EYS: variants seen among roughly 807,000 people sequenced by gnomAD.
EYS encodes the protein protein eyes shut homolog.
A neutral mutation model predicts 282.1 loss-of-function variants in EYS; 250 were observed. That is an observed-to-expected ratio of 0.89 (90% CI 0.80 to 0.98). The LOEUF (loss-of-function observed/expected upper bound fraction) is 0.98, where lower values mean the gene tolerates loss of function less well. EYS is among the 50% of genes least tolerant of loss of function. The pLI is 0.00. For synonymous variants in EYS, 1,355 were observed against 1,282.9 expected (o/e 1.06, Z -1.20); for missense variants, 4,016 against 3,709.0 (o/e 1.08, Z -2.15).
intron 2 of EYS, among the ~76,000 whole-genome samples, chr6:65,639,204 C>G (rs1467626049): frequency 6.6e-6 from 1 of 151,854 alleles, no homozygotes; most frequent in East Asian, 1.9e-4. Context: ...AAGATAATAT[C>G]AATATGAGAA....
chr6:64,575,082 A>C (rs1361527275), intron 26 of EYS, among the ~76,000 whole-genome samples: 2 of 152,162 alleles, frequency 1.3e-5, no homozygotes. Flanking sequence ...GGGAAACTTC[A>C]CCCAGAATAA....
At chr6:64,707,750 C>A (rs1429355523) in intron 22 of EYS, among the ~76,000 whole-genome samples, 2 of 150,750 alleles carry the variant, frequency 1.3e-5, no homozygotes, top group Non-Finnish European at 2.9e-5. Flanking sequence ...GAAATCACCA[C>A]TTATTTATGT....
chr6:64,732,392 C>T (rs1162694167), intron 22 of EYS, among the ~76,000 whole-genome samples: 2 of 151,926 alleles, frequency 1.3e-5, no homozygotes, highest in East Asian at 3.9e-4. Context: ...GTTTCTACTG[C>T]CAAATTCCTG....
chr6:65,434,247 AT>A (rs1337551647), intron 5 of EYS, among the ~76,000 whole-genome samples: 1 of 151,148 alleles, frequency 6.6e-6, no homozygotes, highest in African/African-American at 2.4e-5. Context: ...GTGACATAAA[AT>A]TTTGCAGAAG....
chr6:64,875,018 T>C (rs1766702345), intron 19 of EYS, among the ~76,000 whole-genome samples: 1 of 152,084 alleles, frequency 6.6e-6, no homozygotes, highest in Admixed American at 6.6e-5. Context: ...AAAGAGGATG[T>C]AGCCTGGAGC....
intron 26 of EYS, among the ~76,000 whole-genome samples, chr6:64,588,108 T>C (rs1290246059): frequency 3.9e-5 from 6 of 152,022 alleles, no homozygotes; most frequent in African/African-American, 1.4e-4. Flanking sequence ...AATAAGATGG[T>C]TATCATATTC....
At chr6:64,913,372 A>G (rs796119288) in intron 15 of EYS, among the ~76,000 whole-genome samples, 19 of 152,188 alleles carry the variant, frequency 1.2e-4, no homozygotes, top group African/African-American at 4.6e-4. Context: ...TGAACACAGA[A>G]CCCAATAAAT....
intron 14 of EYS, among the ~76,000 whole-genome samples, chr6:64,972,083 C>T (rs922597055): frequency 1.5e-4 from 23 of 152,084 alleles, no homozygotes; most frequent in Non-Finnish European, 2.8e-4. Flanking sequence ...AGAGCTAACA[C>T]ACACCACACC....
intron 31 of EYS, among the ~76,000 whole-genome samples, chr6:64,166,881 G>T (rs1764305596): frequency 6.6e-6 from 1 of 152,064 alleles, no homozygotes; most frequent in African/African-American, 2.4e-5. Context: ...TACTTTAGTG[G>T]CATATTTCCT....
chr6:64,031,990 C>T (rs1482401739), intron 33 of EYS, among the ~76,000 whole-genome samples: 1 of 152,110 alleles, frequency 6.6e-6, no homozygotes, highest in East Asian at 1.9e-4. Context: ...CTTGCTGCTG[C>T]TCTCTCTTTG....
At chr6:63,995,375 T>C (rs1157494985) in intron 34 of EYS, among the ~76,000 whole-genome samples, 2 of 152,030 alleles carry the variant, frequency 1.3e-5, no homozygotes, top group East Asian at 3.9e-4. Flanking sequence ...ATTGTTAAGA[T>C]GGCTATTACC....
chr6:64,417,247 T>A (rs961579113), intron 28 of EYS, among the ~76,000 whole-genome samples: 1 of 152,192 alleles, frequency 6.6e-6, no homozygotes, highest in Non-Finnish European at 1.5e-5. Context: ...TGTAGTACCT[T>A]ATACTATATG....
At chr6:63,836,098 G>A (rs915863590) in intron 36 of EYS, among the ~76,000 whole-genome samples, 1 of 151,974 alleles carries the variant, frequency 6.6e-6, no homozygotes, top group Non-Finnish European at 1.5e-5. Flanking sequence ...CTTTGGAGTG[G>A]AATTGCTGGG....
chr6:64,389,057 A>T (rs1487878463), intron 28 of EYS, among the ~76,000 whole-genome samples: 1 of 152,214 alleles, frequency 6.6e-6, no homozygotes, highest in African/African-American at 2.4e-5. Context: ...AAATTATAGC[A>T]ATCAACCAAT....
intron 22 of EYS, among the ~76,000 whole-genome samples, chr6:64,801,570 C>A (rs1774555796): frequency 6.6e-6 from 1 of 152,100 alleles, no homozygotes; most frequent in Admixed American, 6.5e-5. Context: ...CTGTAAATTT[C>A]TACCTTTGTT....
At chr6:64,121,982 CTGTTT>C (rs1252714133) in intron 31 of EYS, among the ~76,000 whole-genome samples, 6 of 152,178 alleles carry the variant, frequency 3.9e-5, no homozygotes, top group Admixed American at 2.0e-4. Context: ...ACATTTCCAT[CTGTTT>C]TGTTTTATTA....
chr6:65,242,691 C>A (rs1295569081), intron 12 of EYS, among the ~76,000 whole-genome samples: 5 of 152,016 alleles, frequency 3.3e-5, no homozygotes, highest in South Asian at 2.1e-4. Context: ...TGAGGACTTG[C>A]CAAAATAGTT....
chr6:64,342,780 A>G (rs1263028033), intron 29 of EYS, among the ~76,000 whole-genome samples: 2 of 151,984 alleles, frequency 1.3e-5, no homozygotes, highest in African/African-American at 2.4e-5. Flanking sequence ...AAAGAGTCAA[A>G]ACCCATCAGT....
intron 35 of EYS, among the ~76,000 whole-genome samples, chr6:63,923,614 G>A (rs550551187): frequency 3.3e-5 from 5 of 152,268 alleles, no homozygotes; most frequent in Admixed American, 2.0e-4. Flanking sequence ...GAGGGTACAT[G>A]TGCAGATTTG....
Sources: gnomAD v4.1 joint callset for allele counts (sites outside exome capture counted in the v4.1 genomes callset) on GRCh38, gnomAD v4.1.1 for gene constraint, MANE v1.5 for transcripts, NCBI Gene and HGNC (gene_info 2026-07-23, HGNC 2026-07-21) for gene names.